The following SYT1 variants were observed in gnomAD, a reference collection of about 807,000 sequenced individuals.
The protein encoded by SYT1 is synaptotagmin-1.
SYT1 carries 8 observed loss-of-function variants against 44.8 expected under a neutral mutation model. That is an observed-to-expected ratio of 0.18 (90% CI 0.10 to 0.32). The LOEUF (loss-of-function observed/expected upper bound fraction) is 0.32, where lower values mean the gene tolerates loss of function less well. SYT1 is among the 10% of genes least tolerant of loss of function. SYT1 has a pLI of 1.00. For missense variants in SYT1, 286 were observed against 509.3 expected, an observed-to-expected ratio of 0.56 and a Z score of 4.22; for synonymous variants, 154 against 188.8, an observed-to-expected ratio of 0.82 and a Z score of 1.51.
intron 4 of SYT1, among the ~76,000 whole-genome samples, chr12:79,260,603 T>G (rs1021768320): frequency 6.6e-6 from 1 of 152,180 alleles, no homozygotes; most frequent in Non-Finnish European, 1.5e-5. Flanking sequence ...GGTCCTGCCT[T>G]TCCCAGGTTT....
intron 1 of SYT1, among the ~76,000 whole-genome samples, chr12:78,909,494 A>C (rs1320091635): frequency 6.6e-6 from 1 of 151,976 alleles, no homozygotes; most frequent in Non-Finnish European, 1.5e-5. Flanking sequence ...AGGGAAAAAA[A>C]TCCAGGGACA....
At chr12:79,119,489 T>C (rs1230959430) in intron 3 of SYT1, among the ~76,000 whole-genome samples, 3 of 152,186 alleles carry the variant, frequency 2.0e-5, no homozygotes, top group South Asian at 2.1e-4. Context: ...GTTTTTTTTT[T>C]AGTCATAACT....
At chr12:79,061,677 G>C (rs2137845776) in intron 3 of SYT1, among the ~76,000 whole-genome samples, 1 of 152,238 alleles carries the variant, frequency 6.6e-6, no homozygotes, top group Admixed American at 6.6e-5. Flanking sequence ...GGTAGACATA[G>C]CTTAACAGTG....
intron 8 of SYT1, among the ~76,000 whole-genome samples, chr12:79,322,281 T>G (rs149212613): frequency 6.6e-6 from 1 of 152,266 alleles, no homozygotes; most frequent in Non-Finnish European, 1.5e-5. Flanking sequence ...TCTGAGACTG[T>G]GAAAATTGAG....
intron 8 of SYT1, among the ~76,000 whole-genome samples, chr12:79,308,903 A>G (rs1338999526): frequency 1.3e-5 from 2 of 152,236 alleles, no homozygotes; most frequent in African/African-American, 2.4e-5. Context: ...AGACATAACT[A>G]TTCCTTCAAG....
intron 2 of SYT1, among the ~76,000 whole-genome samples, chr12:79,002,347 T>A (rs1870795536): frequency 6.6e-6 from 1 of 152,136 alleles, no homozygotes; most frequent in South Asian, 2.1e-4. Context: ...TTTTCATTTA[T>A]GAACAACTTA....
chr12:78,892,755 A>G (rs1875125500), intron 1 of SYT1, among the ~76,000 whole-genome samples: 1 of 151,868 alleles, frequency 6.6e-6, no homozygotes, highest in African/African-American at 2.4e-5. Flanking sequence ...GCAATACATT[A>G]ATCACCCAAA....
At chr12:79,151,516 C>T (rs866234996) in intron 3 of SYT1, among the ~76,000 whole-genome samples, 2 of 151,976 alleles carry the variant, frequency 1.3e-5, no homozygotes, top group Non-Finnish European at 2.9e-5. Context: ...AGAGAGTCGG[C>T]CATTAATGGT....
In SYT1 at chr12:79,449,577, C is replaced by T. The variant is rs1363400215; in HGVS notation, c.*453C>T. 6.5e-6 allele frequency: 1 copy of T among 154,610 alleles called. No homozygotes were observed. Among genetic ancestry groups the T allele is most frequent in the Non-Finnish European group, 1.4e-5 (1 of 69,446 alleles). 9.6% of individuals were successfully genotyped at this position (154,610 alleles called of 1,614,324 possible). A position where few individuals can be genotyped will look rare whatever the true frequency, so the allele number is the denominator to read the frequency against. On this transcript the variant is annotated 3_prime_UTR_variant, in exon 11 of 11. Transcript: ENST00000261205. ...CGGTAAATATAGTATCGTCTGCATTCCAGCAAAAATATCAACTCGTAAGGC... is the reference window on the plus strand; with the variant it reads ...CGGTAAATATAGTATCGTCTGCATTTCAGCAAAAATATCAACTCGTAAGGC...
intron 1 of SYT1, among the ~76,000 whole-genome samples, chr12:78,879,000 T>C (rs766164177): frequency 2.0e-5 from 3 of 151,668 alleles, no homozygotes; most frequent in Non-Finnish European, 4.4e-5. Context: ...CTGTAAAAGA[T>C]ACATAAAATT....
chr12:79,081,316 A>T (rs1045823617), intron 3 of SYT1, among the ~76,000 whole-genome samples: 2 of 152,178 alleles, frequency 1.3e-5, no homozygotes, highest in Non-Finnish European at 2.9e-5. Context: ...AAGAAAAGAA[A>T]AAAGCAAATT....
chr12:79,330,283 A>G (rs1244498743), intron 8 of SYT1, among the ~76,000 whole-genome samples: 2 of 152,234 alleles, frequency 1.3e-5, no homozygotes, highest in East Asian at 1.9e-4. Context: ...CAGATGATGC[A>G]TAATATTAGA....
intron 8 of SYT1, among the ~76,000 whole-genome samples, chr12:79,305,492 A>G (rs1170984285): frequency 1.3e-5 from 2 of 152,090 alleles, no homozygotes; most frequent in Admixed American, 1.3e-4. Context: ...TATCCTATAA[A>G]CACAAATAAT....
chr12:78,933,282 A>G (rs1209877980), intron 1 of SYT1, among the ~76,000 whole-genome samples: 3 of 152,200 alleles, frequency 2.0e-5, no homozygotes, highest in African/African-American at 7.2e-5. Context: ...CTTGTCTAAA[A>G]TGAATTTGGC....
intron 8 of SYT1, among the ~76,000 whole-genome samples, chr12:79,303,163 C>T (rs1880228844): frequency 6.6e-6 from 1 of 152,254 alleles, no homozygotes; most frequent in East Asian, 1.9e-4. Context: ...TTATTTCAAA[C>T]ATTACAAGCA....
At chr12:79,362,700 G>A (rs1008716971) in intron 9 of SYT1, among the ~76,000 whole-genome samples, 1 of 151,688 alleles carries the variant, frequency 6.6e-6, no homozygotes, top group Non-Finnish European at 1.5e-5. Flanking sequence ...AATCATGAAA[G>A]GTAGAGCTAG....
chr12:79,204,741 T>C (rs1398029730), intron 3 of SYT1, among the ~76,000 whole-genome samples: 1 of 149,112 alleles, frequency 6.7e-6, no homozygotes, highest in African/African-American at 2.5e-5. Flanking sequence ...CAAAAATAAA[T>C]TAAAAAGAAA....
chr12:79,322,693 T>C (rs1881422482), intron 8 of SYT1, among the ~76,000 whole-genome samples: 1 of 152,136 alleles, frequency 6.6e-6, no homozygotes, highest in Non-Finnish European at 1.5e-5. Flanking sequence ...TCTAATCTGA[T>C]TGGGGCTCTT....
chr12:79,095,653 T>A (rs1296335652), intron 3 of SYT1, among the ~76,000 whole-genome samples: 1 of 151,910 alleles, frequency 6.6e-6, no homozygotes, highest in Non-Finnish European at 1.5e-5. Context: ...AAGGCAGAGA[T>A]CTGGGAATAC....
Sources: allele counts gnomAD v4.1 joint callset (sites outside exome capture counted in the v4.1 genomes callset), GRCh38; gene constraint gnomAD v4.1.1; transcripts MANE v1.5; gene names NCBI Gene and HGNC (gene_info 2026-07-23, HGNC 2026-07-21).